Variants in ARHGEF3 observed in about 807,000 individuals in gnomAD.
ARHGEF3 encodes the protein 59.8 kDA protein.
Under a neutral mutation model 63.2 loss-of-function variants are expected in ARHGEF3, and 28 were observed. The observed-to-expected ratio is 0.44, with a 90% CI of 0.33 to 0.61. ARHGEF3 has a LOEUF of 0.61. Ranked by LOEUF, ARHGEF3 falls within the 20% of genes least tolerant of loss-of-function variation. The pLI, the probability that ARHGEF3 is intolerant of heterozygous loss-of-function variation, is 0.03. For synonymous variants in ARHGEF3, 266 were observed against 254.2 expected, an observed-to-expected ratio of 1.05 and a Z score of -0.44; for missense variants, 533 against 659.3, an observed-to-expected ratio of 0.81 and a Z score of 2.10.
At chr3:56,975,408 ACT>A (rs1701086589) in intron 2 of ARHGEF3, among the ~76,000 whole-genome samples, 2 of 152,120 alleles carry the variant, frequency 1.3e-5, no homozygotes, top group South Asian at 4.2e-4. Flanking sequence ...ACAGAGCAAG[ACT>A]CTGTCTCAAA....
chr3:56,798,638 T>C (rs1250775658), intron 1 of ARHGEF3, among the ~76,000 whole-genome samples: 1 of 151,462 alleles, frequency 6.6e-6, no homozygotes, highest in African/African-American at 2.4e-5. Context: ...TCATTAGAGG[T>C]AACACATTTT....
rs189329800 is a variant in ARHGEF3, at chr3:56,808,874, T to C, written c.193-35058A>G. Among the ~76,000 whole-genome samples the C allele has an allele frequency of 1.4e-4, 21 of 152,294 alleles. No individual in the cohort carries two copies. The East Asian group carries it at 3.3e-3, about 24-fold the overall frequency. Reference sequence around the variant, plus strand: ...AGGCCAGGGATGCTGTTAACACTTATGATACACAGAACAGCTTCCCATAAC... The same window carrying C: ...AGGCCAGGGATGCTGTTAACACTTACGATACACAGAACAGCTTCCCATAAC... On this transcript the variant is annotated intron_variant, in intron 4 of 12. Coordinates refer to the ARHGEF3 transcript ENST00000338458.
intron 2 of ARHGEF3, among the ~76,000 whole-genome samples, chr3:56,986,997 A>C (rs3901283): frequency 0.21 from 31,283 of 152,014 alleles, 3,591 homozygotes; most frequent in Middle Eastern, 0.37. Flanking sequence ...GGATCACATG[A>C]GGCCAGGAGT....
chr3:56,877,330 T>C (rs989807035), intron 4 of ARHGEF3, among the ~76,000 whole-genome samples: 6 of 152,016 alleles, frequency 3.9e-5, no homozygotes, highest in African/African-American at 9.7e-5. Context: ...ACGTTCATAA[T>C]ATAGTAAGTG....
chr3:56,792,103 CAAAAA>C (rs1553755406), intron 1 of ARHGEF3, among the ~76,000 whole-genome samples: 19 of 91,350 alleles, frequency 2.1e-4, no homozygotes, highest in Admixed American at 8.8e-4. Context: ...GACTCTGTCT[CAAAAA>C]AAAAAAAAAG....
rs149441380 is a variant in ARHGEF3, at chr3:56,820,803, T to G, written c.193-46987A>C. 1.2e-4 allele frequency among the ~76,000 whole-genome samples: 18 copies of G among 152,328 alleles called. No homozygotes were observed. In the East Asian group the frequency reaches 3.3e-3, roughly 28 times the overall value. ...AATATGAGGACATGCAACTTTGGAC[T>G]GAATATTAGATAACATTGAGGAATT... On this transcript the variant is annotated intron_variant, in intron 4 of 12. Coordinates refer to the ARHGEF3 transcript ENST00000338458.
chr3:57,025,936 C>T (rs2107183379), intron 2 of ARHGEF3, among the ~76,000 whole-genome samples: 1 of 152,272 alleles, frequency 6.6e-6, no homozygotes, highest in South Asian at 2.1e-4. Flanking sequence ...CCCAGAAGCA[C>T]TCCTGGGGAA....
intron 2 of ARHGEF3, among the ~76,000 whole-genome samples, chr3:57,009,911 G>C (rs1005767934): frequency 6.6e-6 from 1 of 152,066 alleles, no homozygotes; most frequent in Non-Finnish European, 1.5e-5. Context: ...GCAAAGCATG[G>C]GTATTCTCGT....
At chr3:56,913,684 T>A (rs918256008) in intron 3 of ARHGEF3, among the ~76,000 whole-genome samples, 1 of 152,134 alleles carries the variant, frequency 6.6e-6, no homozygotes, top group Non-Finnish European at 1.5e-5. Context: ...TGAAAGCAGG[T>A]GGCAGGAATG....
At chr3:56,956,952 C>T (rs957755140) in intron 3 of ARHGEF3, among the ~76,000 whole-genome samples, 2 of 152,220 alleles carry the variant, frequency 1.3e-5, no homozygotes, top group Admixed American at 1.3e-4. Flanking sequence ...TCCACCAGTT[C>T]TCCTTATGGA....
intron 3 of ARHGEF3, among the ~76,000 whole-genome samples, chr3:56,914,255 T>C (rs1022221219): frequency 1.4e-4 from 22 of 152,292 alleles, no homozygotes; most frequent in Non-Finnish European, 2.9e-4. Context: ...AAATACTAGC[T>C]GTACTCTAAT....
chr3:57,051,566 C>A (rs1704670310), intron 1 of ARHGEF3, among the ~76,000 whole-genome samples: 1 of 152,204 alleles, frequency 6.6e-6, no homozygotes, highest in Non-Finnish European at 1.5e-5. Flanking sequence ...AAAATAATAA[C>A]ACCAGTGAAC....
At position 56,872,434 on chromosome 3, in the gene ARHGEF3, G is replaced by A. The variant is rs114132570; in HGVS notation, c.192+9858C>T. Among the ~76,000 whole-genome samples, 544 of 151,944 alleles carry A rather than the reference G, an allele frequency of 3.6e-3. 2 individuals carry two copies. Among genetic ancestry groups the A allele is most frequent in the African/African-American group, 0.012 (509 of 41,444 alleles). On this transcript the variant is annotated intron_variant, in intron 4 of 12. Transcript: ENST00000338458. ...ATGCATTTACAAGTCTATATAATTC[G>A]GATATTCATGCTGTTTCCAGTTTTA...
chr3:56,954,179 G>A (rs1300430654), intron 3 of ARHGEF3, among the ~76,000 whole-genome samples: 2 of 150,440 alleles, frequency 1.3e-5, no homozygotes, highest in Non-Finnish European at 3.0e-5. Flanking sequence ...CCTCAGTTCT[G>A]GCACCTAAAA....
chr3:56,795,558 G>A (rs2037307742), intron 1 of ARHGEF3, among the ~76,000 whole-genome samples: 2 of 151,964 alleles, frequency 1.3e-5, no homozygotes, highest in African/African-American at 4.8e-5. Flanking sequence ...GAAAGTCCGG[G>A]CACAAGTGTT....
intron 3 of ARHGEF3, among the ~76,000 whole-genome samples, chr3:56,754,526 C>G (rs2034950103): frequency 6.6e-6 from 1 of 152,130 alleles, no homozygotes; most frequent in African/African-American, 2.4e-5. Context: ...TAAACAAGCT[C>G]TTCTATACAG....
intron 2 of ARHGEF3, among the ~76,000 whole-genome samples, chr3:57,008,122 A>G (rs1343551184): frequency 1.6e-5 from 2 of 126,226 alleles, no homozygotes; most frequent in Non-Finnish European, 3.5e-5. Flanking sequence ...ATCCTTGGGC[A>G]GAAAATTCTC....
intron 2 of ARHGEF3, among the ~76,000 whole-genome samples, chr3:56,999,478 C>A (rs890317872): frequency 5.3e-5 from 8 of 152,140 alleles, no homozygotes; most frequent in African/African-American, 1.9e-4. Flanking sequence ...CCAAATATAA[C>A]CTTCGTGAAG....
At chr3:56,769,431 A>G (rs1288728548) in intron 2 of ARHGEF3, among the ~76,000 whole-genome samples, 3 of 152,260 alleles carry the variant, frequency 2.0e-5, no homozygotes, top group Non-Finnish European at 2.9e-5. Context: ...CGGCAGTGCT[A>G]ACCTTCCTGG....
Sources: gnomAD v4.1 joint callset for allele counts (sites outside exome capture counted in the v4.1 genomes callset) on GRCh38, gnomAD v4.1.1 for gene constraint, MANE v1.5 for transcripts, NCBI Gene and HGNC (gene_info 2026-07-23, HGNC 2026-07-21) for gene names.